The following TAFA1 variants were observed in gnomAD, a reference collection of about 807,000 sequenced individuals.
TAFA1 encodes the protein TAFA chemokine like family member 1, also known as chemokine-like protein TAFA-1.
Under a neutral mutation model 18.5 loss-of-function variants are expected in TAFA1, and 4 were observed. The ratio of observed to expected loss-of-function variants is 0.22; its 90% CI spans 0.11 to 0.49. The LOEUF (loss-of-function observed/expected upper bound fraction) is 0.49. Among genes scored for constraint, TAFA1 ranks in the 20% least tolerant of loss-of-function variants. The pLI, the probability that TAFA1 is intolerant of heterozygous loss-of-function variation, is 0.98. For missense variants in TAFA1, 147 were observed against 169.0 expected (o/e 0.87, Z 0.72); for synonymous variants, 56 against 55.2 (o/e 1.01, Z -0.06).
At chr3:68,482,772 C>T (rs1315940304) in intron 3 of TAFA1, among the ~76,000 whole-genome samples, 1 of 152,172 alleles carries the variant, frequency 6.6e-6, no homozygotes, top group Non-Finnish European at 1.5e-5. Flanking sequence ...GGATTCAGGC[C>T]TTTCGGAGCT....
chr3:68,174,737 G>T (rs558509789), intron 2 of TAFA1, among the ~76,000 whole-genome samples: 1 of 152,190 alleles, frequency 6.6e-6, no homozygotes, highest in Non-Finnish European at 1.5e-5. Context: ...CTAACAATGC[G>T]ATAGAAAAGA....
chr3:68,017,530 T>A (rs1345118073), intron 2 of TAFA1, among the ~76,000 whole-genome samples: 1 of 152,142 alleles, frequency 6.6e-6, no homozygotes, highest in Non-Finnish European at 1.5e-5. Context: ...AAGTTGAGAG[T>A]CATTGACCAT....
intron 3 of TAFA1, among the ~76,000 whole-genome samples, chr3:68,499,600 C>G (rs963530999): frequency 2.0e-5 from 3 of 151,808 alleles, no homozygotes. Flanking sequence ...GGGCGAGGGC[C>G]AGGCTGTGAG....
chr3:68,382,003 G>A (rs2069971243), intron 2 of TAFA1, among the ~76,000 whole-genome samples: 1 of 152,114 alleles, frequency 6.6e-6, no homozygotes, highest in South Asian at 2.1e-4. Context: ...TTTGTCAAAG[G>A]CCTTTTCTGC....
chr3:68,473,583 T>A (rs899419464), intron 3 of TAFA1, among the ~76,000 whole-genome samples: 1 of 152,138 alleles, frequency 6.6e-6, no homozygotes, highest in African/African-American at 2.4e-5. Context: ...AGCCTTGTTG[T>A]TTGGTTTGCA....
intron 3 of TAFA1, among the ~76,000 whole-genome samples, chr3:68,498,433 C>T (rs941095391): frequency 3.3e-5 from 5 of 152,080 alleles, no homozygotes; most frequent in African/African-American, 1.2e-4. Context: ...GGGCTAAGAA[C>T]AATGCCACAG....
At chr3:68,098,568 G>A (rs1179654014) in intron 2 of TAFA1, among the ~76,000 whole-genome samples, 1 of 152,120 alleles carries the variant, frequency 6.6e-6, no homozygotes, top group Non-Finnish European at 1.5e-5. Context: ...GTCAAATGAT[G>A]AGATATCTGC....
chr3:68,255,844 A>G (rs1452153392), intron 2 of TAFA1, among the ~76,000 whole-genome samples: 1 of 151,986 alleles, frequency 6.6e-6, no homozygotes, highest in Non-Finnish European at 1.5e-5. Context: ...TCTGGCTAAC[A>G]GGCAGTTAAG....
intron 3 of TAFA1, among the ~76,000 whole-genome samples, chr3:68,433,298 C>T (rs1282960764): frequency 1.3e-5 from 2 of 152,066 alleles, no homozygotes; most frequent in African/African-American, 4.8e-5. Flanking sequence ...TCATCTTTTC[C>T]CTTCTTTCCA....
intron 3 of TAFA1, among the ~76,000 whole-genome samples, chr3:68,474,990 T>C (rs1409572618): frequency 6.6e-6 from 1 of 152,066 alleles, no homozygotes; most frequent in Non-Finnish European, 1.5e-5. Flanking sequence ...GCTGAACTGA[T>C]TAGCTAAGAT....
chr3:68,422,480 G>A (rs185898333), intron 3 of TAFA1, among the ~76,000 whole-genome samples: 2 of 152,028 alleles, frequency 1.3e-5, no homozygotes, highest in Non-Finnish European at 2.9e-5. Context: ...GAAATTTCAG[G>A]TCAGTTGCCT....
rs548092192 is a variant in TAFA1, at chr3:68,180,250, G to C, written c.118+173506G>C. 3.3e-5 allele frequency among the ~76,000 whole-genome samples: 5 copies of C among 151,628 alleles called. No individual in the cohort carries two copies. The South Asian group carries it at 6.3e-4, about 19-fold the overall frequency. ...AGACAGTCTTTCACTATGTTGGCCAGGCTGGTCTCGAACTCCCGACCTCAG... is the reference window on the plus strand; with the variant it reads ...AGACAGTCTTTCACTATGTTGGCCACGCTGGTCTCGAACTCCCGACCTCAG... On this transcript the variant is annotated intron_variant, in intron 2 of 4. Transcript: ENST00000478136.
intron 2 of TAFA1, among the ~76,000 whole-genome samples, chr3:68,015,694 A>G (rs1423288763): frequency 6.6e-6 from 1 of 152,198 alleles, no homozygotes; most frequent in Non-Finnish European, 1.5e-5. Context: ...TTAATTTAAT[A>G]CTTTATGAAA....
chr3:68,496,992 C>G (rs958851137), intron 3 of TAFA1, among the ~76,000 whole-genome samples: 7 of 151,658 alleles, frequency 4.6e-5, no homozygotes, highest in African/African-American at 1.7e-4. Flanking sequence ...GAGAGAGAGA[C>G]CTTTGAACTG....
intron 2 of TAFA1, among the ~76,000 whole-genome samples, chr3:68,414,220 T>C (rs1385807922): frequency 6.6e-6 from 1 of 152,054 alleles, no homozygotes; most frequent in African/African-American, 2.4e-5. Context: ...GGCAAGAGAA[T>C]CACTTGAACC....
In TAFA1 at chr3:68,348,737, C is replaced by T. The variant is rs909149146; in HGVS notation, c.119-68543C>T. ...CTTTATGATCCTTGTTTTCTTCCCA[C>T]GCTCCTCCACCCCAAGAACATCTGA... On this transcript the variant is annotated intron_variant, in intron 2 of 4. Transcript: ENST00000478136. Among the ~76,000 whole-genome samples, 21 of 152,074 alleles carry T rather than the reference C, an allele frequency of 1.4e-4. No individual in the cohort carries two copies. In the South Asian group the frequency reaches 2.9e-3, roughly 21 times the overall value.
At chr3:68,021,952 C>A (rs906650287) in intron 2 of TAFA1, among the ~76,000 whole-genome samples, 5 of 152,154 alleles carry the variant, frequency 3.3e-5, no homozygotes, top group African/African-American at 1.2e-4. Flanking sequence ...ACTTTATTAT[C>A]TCTTTTTTAC....
intron 2 of TAFA1, among the ~76,000 whole-genome samples, chr3:68,400,328 C>T (rs2070462992): frequency 6.6e-6 from 1 of 152,164 alleles, no homozygotes; most frequent in Non-Finnish European, 1.5e-5. Flanking sequence ...AATTAAGGTT[C>T]AAGAAGTTTC....
intron 2 of TAFA1, among the ~76,000 whole-genome samples, chr3:68,219,222 T>C (rs1458694160): frequency 6.6e-6 from 1 of 152,056 alleles, no homozygotes; most frequent in Non-Finnish European, 1.5e-5. Flanking sequence ...GCATTTATAT[T>C]CCCCTCCAGA....
Sources: allele counts gnomAD v4.1 joint callset (sites outside exome capture counted in the v4.1 genomes callset), GRCh38; gene constraint gnomAD v4.1.1; transcripts MANE v1.5; gene names NCBI Gene and HGNC (gene_info 2026-07-23, HGNC 2026-07-21).